AMBRA1: variants seen among roughly 807,000 people sequenced by gnomAD.
AMBRA1 encodes the protein autophagy and beclin 1 regulator 1, also known as activating molecule in BECN1-regulated autophagy protein 1.
AMBRA1 carries 47 observed loss-of-function variants against 125.4 expected under a neutral mutation model. That is an observed-to-expected ratio of 0.37 (90% CI 0.30 to 0.48). The LOEUF is 0.48. Among genes scored for constraint, AMBRA1 ranks in the 20% least tolerant of loss-of-function variants. The pLI is 0.99. For missense variants in AMBRA1, 1,331 were observed against 1,693.4 expected (o/e 0.79, Z 3.76); for synonymous variants, 626 against 655.5 (o/e 0.95, Z 0.69).
intron 15 of AMBRA1, among the ~76,000 whole-genome samples, chr11:46,413,937 C>T (rs1946412335): frequency 6.6e-6 from 1 of 152,210 alleles, no homozygotes; most frequent in South Asian, 2.1e-4. Flanking sequence ...TACACAAATA[C>T]ACCAAGGGAG....
At chr11:46,577,991 T>G (rs1208976825) in intron 1 of AMBRA1, among the ~76,000 whole-genome samples, 1 of 151,932 alleles carries the variant, frequency 6.6e-6, no homozygotes, top group African/African-American at 2.4e-5. Context: ...AGAAGCTGAG[T>G]GTGGTGGTTT....
intron 15 of AMBRA1, among the ~76,000 whole-genome samples, chr11:46,413,108 A>G (rs1200635696): frequency 2.0e-5 from 3 of 152,206 alleles, no homozygotes; most frequent in African/African-American, 7.2e-5. Context: ...GGCCACAAGA[A>G]GGCCTTCTGT....
At chr11:46,518,984 C>T (rs1411924630) in intron 7 of AMBRA1, among the ~76,000 whole-genome samples, 4 of 152,076 alleles carry the variant, frequency 2.6e-5, no homozygotes, top group South Asian at 2.1e-4. Context: ...AAAAAGTGGT[C>T]GGAGCAGATC....
intron 3 of AMBRA1, 131 bp from the exon 4 acceptor site, chr11:46,547,427 T>G: frequency 1.3e-6 from 1 of 775,714 alleles, no homozygotes; most frequent in South Asian, 2.1e-5. Flanking sequence ...CTTTGTATGT[T>G]AGGCAGTATA....
At chr11:46,469,627 T>C (rs1949487925) in intron 11 of AMBRA1, among the ~76,000 whole-genome samples, 3 of 152,074 alleles carry the variant, frequency 2.0e-5, no homozygotes, top group Non-Finnish European at 2.9e-5. Flanking sequence ...CAGAGTAAAA[T>C]GAATCTAAGA....
chr11:46,450,426 G>A (rs1387073117), intron 11 of AMBRA1, among the ~76,000 whole-genome samples: 1 of 151,982 alleles, frequency 6.6e-6, no homozygotes, highest in African/African-American at 2.4e-5. Context: ...ACGAACAGGT[G>A]AGCACAAGAT....
At chr11:46,545,561 G>A (rs772648934) in intron 5 of AMBRA1, 43 bp downstream of exon 5, 64 of 1,597,598 alleles carry the variant, frequency 4.0e-5, no homozygotes, top group Non-Finnish European at 5.0e-5. Flanking sequence ...TCTCTATCAC[G>A]TCAGTCCTGT....
chr11:46,553,981 CA>C (rs1474988358), intron 1 of AMBRA1, among the ~76,000 whole-genome samples: 4 of 152,126 alleles, frequency 2.6e-5, no homozygotes, highest in Admixed American at 6.5e-5. Context: ...GTAACCCTGA[CA>C]ACTCATAGAT....
At chr11:46,529,092 G>C (rs1952104851) in intron 7 of AMBRA1, among the ~76,000 whole-genome samples, 1 of 152,004 alleles carries the variant, frequency 6.6e-6, no homozygotes, top group Non-Finnish European at 1.5e-5. Flanking sequence ...TAATTTCCTG[G>C]CAAGTGACAC....
chr11:46,434,784 C>CGCT, intron 13 of AMBRA1, 65 bp downstream of exon 13: 1 of 1,494,448 alleles, frequency 6.7e-7, no homozygotes, highest in Non-Finnish European at 9.0e-7. Context: ...TGTGCCTCAC[C>CGCT]TAGCAATGAC....
chr11:46,537,691 A>G (rs1952543855), intron 7 of AMBRA1, among the ~76,000 whole-genome samples: 1 of 152,220 alleles, frequency 6.6e-6, no homozygotes, highest in African/African-American at 2.4e-5. Context: ...CAAACCGTGT[A>G]CTGGTTATTA....
chr11:46,583,717 TG>T (rs1274738980), intron 1 of AMBRA1, among the ~76,000 whole-genome samples: 1 of 119,836 alleles, frequency 8.3e-6, no homozygotes, highest in Non-Finnish European at 1.8e-5. Context: ...GCGAAGGACA[TG>T]AACAGACACT....
chr11:46,406,397 C>T (rs1178653912), intron 17 of AMBRA1, among the ~76,000 whole-genome samples: 3 of 148,058 alleles, frequency 2.0e-5, no homozygotes, highest in Non-Finnish European at 4.5e-5. Flanking sequence ...AAAAAAAGGT[C>T]CGGGTGTGGT....
intron 1 of AMBRA1, among the ~76,000 whole-genome samples, chr11:46,587,700 T>C (rs2044453093): frequency 6.6e-6 from 1 of 152,210 alleles, no homozygotes; most frequent in Non-Finnish European, 1.5e-5. Context: ...TTCAGAATAC[T>C]TGTTTCAGTC....
chr11:46,493,554 T>C (rs1036968651), intron 11 of AMBRA1, 54 bp downstream of exon 11: 2 of 1,424,666 alleles, frequency 1.4e-6, no homozygotes, highest in African/African-American at 1.4e-5. Context: ...GGAGAAGCTT[T>C]ATCTGGCTCC....
intron 7 of AMBRA1, among the ~76,000 whole-genome samples, chr11:46,521,480 C>T (rs1310571760): frequency 6.6e-6 from 1 of 152,280 alleles, no homozygotes; most frequent in Non-Finnish European, 1.5e-5. Context: ...CGCACTGTGG[C>T]TTTCTTCATT....
intron 17 of AMBRA1, 40 bp from the exon 18 acceptor site, chr11:46,397,983 T>C: frequency 1.3e-6 from 2 of 1,544,934 alleles, no homozygotes; most frequent in Non-Finnish European, 1.7e-6. Flanking sequence ...AATTGGCTGC[T>C]GGCCTGGGCC....
chr11:46,546,403 C>T (rs908821762), intron 4 of AMBRA1, among the ~76,000 whole-genome samples: 6 of 152,016 alleles, frequency 3.9e-5, no homozygotes, highest in Admixed American at 1.3e-4. Flanking sequence ...CAAGACAACC[C>T]GCTAGCCAGT....
intron 1 of AMBRA1, among the ~76,000 whole-genome samples, chr11:46,575,869 C>T (rs1015646740): frequency 1.3e-5 from 2 of 152,156 alleles, no homozygotes; most frequent in African/African-American, 4.8e-5. Context: ...GTCATGTGCA[C>T]CCTCACCTGA....
Sources: gnomAD v4.1 joint callset for allele counts (sites outside exome capture counted in the v4.1 genomes callset) on GRCh38, gnomAD v4.1.1 for gene constraint, MANE v1.5 for transcripts, NCBI Gene and HGNC (gene_info 2026-07-23, HGNC 2026-07-21) for gene names.